The following NEK5 variants were observed in gnomAD, a reference collection of about 807,000 sequenced individuals.
The protein encoded by NEK5 is NIMA related kinase 5, also known as serine/threonine-protein kinase Nek5.
A neutral mutation model predicts 109.2 loss-of-function variants in NEK5; 88 were observed. The ratio of observed to expected loss-of-function variants is 0.81; its 90% CI spans 0.68 to 0.96. NEK5 has a LOEUF of 0.96. Ranked by LOEUF, NEK5 falls within the 40% of genes least tolerant of loss-of-function variation. NEK5 has a pLI of 0.00. For missense variants in NEK5, 834 were observed against 920.7 expected (o/e 0.91, Z 1.22); for synonymous variants, 283 against 299.9 (o/e 0.94, Z 0.58).
Position 52,127,667 on chromosome 13 carries a change from AAT to A in NEK5, c.-90-7_-90-6del. On this transcript the variant is annotated splice_polypyrimidine_tract_variant and splice_region_variant and intron_variant, in intron 1 of 23. Coordinates refer to ENST00000684899, the MANE Select transcript of NEK5 (RefSeq NM_001365552.1). ...TTTCTTTGTGGCCACAGATAACTGAAATGAGACAGAGTTTCTTGGTCAGACAC... is the reference window on the plus strand; with the variant it reads ...TTTCTTTGTGGCCACAGATAACTGAAGAGACAGAGTTTCTTGGTCAGACAC... The A allele has an allele frequency of 1.8e-6, 1 of 541,506 alleles. No homozygotes were observed. The highest frequency in any genetic ancestry group is 3.3e-6 in the Non-Finnish European group (1 of 305,596). The allele number at this position is 541,506 out of a possible 1,614,324, so 33.5% of individuals were successfully genotyped here. A position where few individuals can be genotyped will look rare whatever the true frequency, so the allele number is the denominator to read the frequency against.
chr13:52,071,102 TGAAG>T (rs1954776345), intron 20 of NEK5, among the ~76,000 whole-genome samples: 1 of 152,020 alleles, frequency 6.6e-6, no homozygotes, highest in African/African-American at 2.4e-5. Flanking sequence ...ACAGAGAGAA[TGAAG>T]GAAGAGGAAG....
At position 52,110,343 on chromosome 13, in the gene NEK5, T is replaced by G; in HGVS notation, c.464A>C (p.Asn155Thr). 6.2e-7 allele frequency: 1 copy of G among 1,604,576 alleles called. No homozygotes were observed. The highest frequency in any genetic ancestry group is 8.5e-7 in the Non-Finnish European group (1 of 1,171,390). Residue 155 changes from asparagine to threonine, a missense_variant, in exon 7 of 24, where the codon AAT becomes ACT. Physicochemically the swap from Asn to Thr is moderately conservative, Grantham distance 65. Coordinates refer to ENST00000684899, the MANE Select transcript of NEK5 (RefSeq NM_001365552.1). ...LGDFGIARVLNNSMELARTCI... is the reference protein window; with the variant it reads ...LGDFGIARVLTNSMELARTCI... ...AAATTATTTTCAAAGTACTTACTTA[T>G]TCAGGACTCTTGCTATACCAAAGTC...
chr13:52,056,218 A>G (rs1373985350), intron 22 of NEK5, among the ~76,000 whole-genome samples: 5 of 151,130 alleles, frequency 3.3e-5, no homozygotes, highest in Non-Finnish European at 7.4e-5. Flanking sequence ...ACATAATGGT[A>G]AAGGGATCAA....
At chr13:52,071,859 C>T (rs117288113) in intron 20 of NEK5, 85 bp downstream of exon 20, 44,134 of 1,191,834 alleles carry the variant, frequency 0.037, 1,049 homozygotes, top group Non-Finnish European at 0.047. Flanking sequence ...ACAGTGGAGC[C>T]GAGGCAGATG....
intron 16 of NEK5, among the ~76,000 whole-genome samples, chr13:52,084,709 AAGAGAGAGAGAGAGAGAGAGAGAGTG>A (rs1186054177): frequency 3.2e-5 from 3 of 93,840 alleles, no homozygotes; most frequent in African/African-American, 6.6e-5. Context: ...GGCTAATTTA[AAGAGAGAGAGAGAGAGAGAGAGAGTG>A]AGAGAGAGAG....
chr13:52,089,316 T>G lies in NEK5; in HGVS notation c.1209-3A>C. On this transcript the variant is annotated splice_region_variant and splice_polypyrimidine_tract_variant and intron_variant, in intron 13 of 23. Transcript: ENST00000684899. ...TTCTCTGAAGGTACTCAGCAGGCCT[T>G]AGAAAATAAGAATGTTCAGCTTAAG... 6.3e-7 allele frequency: 1 copy of G among 1,587,852 alleles called. No homozygotes were observed. The highest frequency in any genetic ancestry group is 8.6e-7 in the Non-Finnish European group (1 of 1,158,078).
At chr13:52,098,125 A>T (rs1363271235) in intron 12 of NEK5, among the ~76,000 whole-genome samples, 1 of 151,762 alleles carries the variant, frequency 6.6e-6, no homozygotes, top group African/African-American at 2.4e-5. Flanking sequence ...AGCCAATTAA[A>T]CCTCTTGTCT....
chr13:52,075,492 G>A (rs1329972152), intron 19 of NEK5, among the ~76,000 whole-genome samples: 1 of 152,148 alleles, frequency 6.6e-6, no homozygotes, highest in African/African-American at 2.4e-5. Flanking sequence ...CTACTACAGT[G>A]GGGGTAAGAA....
chr13:52,036,769 TTAAAG>T lies in NEK5; in HGVS notation c.*174_*178del, dbSNP rs2140868020. ...GGCCTAAGATTTCTTAATAGAAACTTTAAAGTAAAAATATTAATGGCTATATTCAA... is the reference window on the plus strand; with the variant it reads ...GGCCTAAGATTTCTTAATAGAAACTTTAAAAATATTAATGGCTATATTCAA... On this transcript the variant is annotated 3_prime_UTR_variant, in exon 24 of 24. Coordinates refer to ENST00000684899, the MANE Select transcript of NEK5 (RefSeq NM_001365552.1). 5.2e-6 allele frequency: 1 copy of T among 194,134 alleles called. No homozygotes were observed. The highest frequency in any genetic ancestry group is 9.4e-6 in the Non-Finnish European group (1 of 106,488). The allele number at this position is 194,134 out of a possible 1,614,324, so 12.0% of individuals were successfully genotyped here.
chr13:52,087,509 C>T (rs1955175015), intron 14 of NEK5, 55 bp from the exon 15 acceptor site: 1 of 876,098 alleles, frequency 1.1e-6, no homozygotes, highest in East Asian at 2.4e-5. Context: ...GAAACATCTT[C>T]TGATTTGACA....
chr13:52,069,510 C>A (rs1226377730), intron 20 of NEK5, among the ~76,000 whole-genome samples: 2 of 152,160 alleles, frequency 1.3e-5, no homozygotes, highest in Non-Finnish European at 2.9e-5. Context: ...CCCTGATATG[C>A]CCCAGGCCTT....
chr13:52,103,424 C>T (rs1955582454), intron 9 of NEK5, among the ~76,000 whole-genome samples: 3 of 152,242 alleles, frequency 2.0e-5, no homozygotes, highest in South Asian at 4.1e-4. Flanking sequence ...GAGCGGGACT[C>T]CATCTCAAAA....
intron 22 of NEK5, among the ~76,000 whole-genome samples, chr13:52,053,582 C>CT (rs71088008): frequency 0.021 from 3,136 of 152,224 alleles, 81 homozygotes; most frequent in Admixed American, 0.083. Flanking sequence ...GAGATTGAAT[C>CT]TTGAGACAAT....
intron 3 of NEK5, 60 bp downstream of exon 3, chr13:52,127,306 G>T: frequency 1.1e-6 from 1 of 893,210 alleles, no homozygotes; most frequent in Non-Finnish European, 1.8e-6. Context: ...TTTTTATATT[G>T]GATTAAAAGC....
intron 20 of NEK5, among the ~76,000 whole-genome samples, chr13:52,067,696 G>C (rs1352270599): frequency 3.0e-5 from 1 of 32,902 alleles, no homozygotes; most frequent in Non-Finnish European, 9.8e-5. Context: ...TTTTTTTTTT[G>C]AGATGGAGTC....
At position 52,101,981 on chromosome 13, in the gene NEK5, A is replaced by G. The variant is rs1183654928; in HGVS notation, c.844T>C (p.Cys282Arg). 3 of 1,614,098 alleles carry G rather than the reference A, an allele frequency of 1.9e-6. No homozygotes were observed. Among genetic ancestry groups the G allele is most frequent in the African/African-American group, 2.7e-5 (2 of 74,930 alleles). ...CGAGAAGCTGGCGCTCCTGCTCTGC[A>G]TATAAGCATGTGACTGAATTCTTCC... is the stretch of plus-strand genomic sequence containing the variant. The part of the protein sequence containing the change: ...IQEEFSHMLI[C>R]RAGAPASRHA... Residue 282 changes from cysteine to arginine, a missense_variant, in exon 11 of 24, where the codon TGC (cysteine) becomes CGC (arginine). By Grantham distance (180) the Cys-to-Arg change is radical. Transcript: ENST00000684899.
At chr13:52,069,605 C>T (rs1249348404) in intron 20 of NEK5, among the ~76,000 whole-genome samples, 4 of 152,138 alleles carry the variant, frequency 2.6e-5, no homozygotes, top group South Asian at 4.2e-4. Context: ...TTGTCTCTCC[C>T]GACCCCATTA....
At chr13:52,077,364 C>T (rs997840412) in intron 17 of NEK5, among the ~76,000 whole-genome samples, 1 of 152,172 alleles carries the variant, frequency 6.6e-6, no homozygotes, top group Non-Finnish European at 1.5e-5. Context: ...ATTAGACATC[C>T]AGCAATGAAA....
intron 20 of NEK5, among the ~76,000 whole-genome samples, chr13:52,068,385 C>A (rs1024271789): frequency 6.6e-6 from 1 of 151,876 alleles, no homozygotes; most frequent in Non-Finnish European, 1.5e-5. Context: ...TCTGTAAATA[C>A]CTCAGTAAGG....
Sources: allele counts gnomAD v4.1 joint callset (sites outside exome capture counted in the v4.1 genomes callset), GRCh38; gene constraint gnomAD v4.1.1; transcripts MANE v1.5; gene names NCBI Gene and HGNC (gene_info 2026-07-23, HGNC 2026-07-21).